Variants in KIF7 observed in about 807,000 individuals in gnomAD.
KIF7 encodes the protein kinesin-like protein KIF7.
KIF7 carries 104 observed loss-of-function variants against 135.7 expected under a neutral mutation model. The ratio of observed to expected loss-of-function variants is 0.77; its 90% confidence interval spans 0.65 to 0.90. The LOEUF (loss-of-function observed/expected upper bound fraction) is 0.90, where lower values mean the gene tolerates loss of function less well. KIF7 is among the 40% of genes least tolerant of loss of function. The pLI, the probability that KIF7 is intolerant of heterozygous loss-of-function variation, is 0.00. For synonymous variants in KIF7, 883 were observed against 809.4 expected (o/e 1.09, Z -1.54); for missense variants, 2,005 against 1,839.1 (o/e 1.09, Z -1.65).
Position 89,642,278 on chromosome 15 carries a change from C to T in KIF7, c.2319G>A (p.Glu773=), listed in dbSNP as rs1354681984. 6.2e-7 allele frequency: 1 copy of T among 1,610,218 alleles called. No homozygotes were observed. Among genetic ancestry groups the T allele is most frequent in the South Asian group, 1.1e-5 (1 of 90,996 alleles). The change falls in exon 11 of 19, where the codon GAG becomes GAA. Residue 773 remains glutamate, a synonymous_variant. Coordinates refer to ENST00000394412, the MANE Select transcript of KIF7 (RefSeq NM_198525.3). ...GAGACCGCTCGCCAGCATCCTGGAG[C>T]TCCTTGCCCTCGAGCTCCCGCAGCT... is the stretch of plus-strand genomic sequence containing the variant. ...QRQLRELEGK[E]LQDAGERSRL...
chr15:89,633,412 C>G, intron 12 of KIF7, 146 bp from the exon 13 acceptor site: 1 of 1,126,954 alleles, frequency 8.9e-7, no homozygotes, highest in East Asian at 2.6e-5. Context: ...ACACAAATCT[C>G]CCTGGAGACC....
At chr15:89,627,204 A>AGAAT (rs1963547727), downstream of KIF7, 5 of 1,268,346 alleles carry the variant, frequency 3.9e-6, no homozygotes, top group Non-Finnish European at 5.5e-6. Flanking sequence ...GATTGCCATT[A>AGAAT]GAATGCCTTA....
Position 89,652,695 on chromosome 15 carries a change from A to G in KIF7, c.236T>C (p.Leu79Pro), listed in dbSNP as rs1236627651. The change falls in exon 2 of 19, where the codon CTT becomes CCT. Residue 79 changes from leucine to proline, a missense_variant. Physicochemically the swap from Leu to Pro is moderately conservative, Grantham distance 98. Transcript: ENST00000394412. ...AVYQACVQPL[L>P]EAFFEGFNAT... ...ATTGAAGCCCTCGAAGAAGGCCTCA[A>G]GGAGGGGCTGAACGCAGGCCTGGTA... 6.4e-7 allele frequency: 1 copy of G among 1,551,642 alleles called. No individual in the cohort carries two copies. Among genetic ancestry groups the G allele is most frequent in the Non-Finnish European group, 8.7e-7 (1 of 1,146,940 alleles).
At chr15:89,644,413 G>A (rs533424886) in intron 10 of KIF7, among the ~76,000 whole-genome samples, 1 of 152,164 alleles carries the variant, frequency 6.6e-6, no homozygotes, top group African/African-American at 2.4e-5. Flanking sequence ...GGTGGCTCAC[G>A]CCTGTAATCC....
At chr15:89,624,605 A>G (rs768452769), downstream of KIF7, 1 of 1,613,946 alleles carries the variant, frequency 6.2e-7, no homozygotes, top group Non-Finnish European at 8.5e-7. Context: ...CTCTCTCCTC[A>G]GTCTCCTCCT....
chr15:89,617,827 G>T (rs966242096), intron 2 of KIF7, among the ~76,000 whole-genome samples: 1 of 152,058 alleles, frequency 6.6e-6, no homozygotes, highest in Non-Finnish European at 1.5e-5. Context: ...AAGTAGCTGG[G>T]ACTACAGGCG....
intron 11 of KIF7, among the ~76,000 whole-genome samples, chr15:89,634,855 G>C (rs538203747): frequency 6.6e-6 from 1 of 152,328 alleles, no homozygotes; most frequent in Admixed American, 6.5e-5. Context: ...TGCCTCTGTA[G>C]GCTCCACCTC....
rs750610579 is a variant in KIF7, at chr15:89,645,921, G to GCTC, written c.1891_1893dup (p.Glu631dup). On this transcript the variant is annotated inframe_insertion, in exon 8 of 19. Transcript: ENST00000394412. The stretch of plus-strand genomic sequence containing the variant: ...CGCAGGTGTAAGGTCCGCCTGGGCG[G>GCTC]CTCCTCCTCCTCCTCTTCCTCCTCT... 3.1e-6 allele frequency: 5 copies of GCTC among 1,613,376 alleles called. No individual in the cohort carries two copies. Among genetic ancestry groups the GCTC allele is most frequent in the Non-Finnish European group, 1.7e-6 (2 of 1,179,940 alleles).
At chr15:89,634,218 G>C (rs1963752703) in intron 11 of KIF7, among the ~76,000 whole-genome samples, 1 of 152,170 alleles carries the variant, frequency 6.6e-6, no homozygotes, top group Non-Finnish European at 1.5e-5. Flanking sequence ...AGAATCACTT[G>C]AACCCGGGAG....
At chr15:89,631,750 A>G (rs893968532) in intron 14 of KIF7, 40 bp from the exon 15 acceptor site, 7 of 1,511,376 alleles carry the variant, frequency 4.6e-6, no homozygotes, top group Non-Finnish European at 6.3e-6. Flanking sequence ...AGGAACAGGC[A>G]CTGTCCTCAC....
In KIF7 at chr15:89,645,037, G is replaced by A. The variant is rs1963986225; in HGVS notation, c.2167C>T (p.Leu723Phe). 1.9e-6 allele frequency: 3 copies of A among 1,607,848 alleles called. No individual in the cohort carries two copies. Among genetic ancestry groups the A allele is most frequent in the African/African-American group, 2.7e-5 (2 of 74,932 alleles). ...CCTGTGCGGACCAGCTCGCCAATAA[G>A]CTCCTCCTTCATGCGGATGTTGATA... ...LAINIRMKEE[L>F]IGELVRTGKA... Residue 723 changes from leucine to phenylalanine, a missense_variant, in exon 10 of 19, where the codon CTT (leucine) becomes TTT (phenylalanine). Coordinates refer to ENST00000394412, the MANE Select transcript of KIF7 (RefSeq NM_198525.3).
chr15:89,631,825 C>G, intron 14 of KIF7, 115 bp from the exon 15 acceptor site: 1 of 881,976 alleles, frequency 1.1e-6, no homozygotes, highest in African/African-American at 1.7e-5. Flanking sequence ...AACCAACACT[C>G]CAAATGTTCT....
At chr15:89,623,558 C>T (rs1244848671), downstream of KIF7, 3 of 1,488,716 alleles carry the variant, frequency 2.0e-6, no homozygotes, top group African/African-American at 1.4e-5. Context: ...TTAGAGATTA[C>T]TAAAACACTT....
Position 89,629,456 on chromosome 15 carries a change from G to A in KIF7, c.3436C>T (p.Arg1146Cys), listed in dbSNP as rs766975299. The change falls in exon 17 of 19, where the codon CGC becomes TGC. Residue 1146 changes from arginine (R) to cysteine (C), a missense_variant. Transcript: ENST00000394412. ...YWLEVALERQ[R>C]LEMDRQLTLQ... is the part of the protein sequence containing the mutation. ...GTCAGCTGGCGGTCCATCTCCAGGC[G>A]CTGCCGCTCCAGGGCCACCTCCAGC... 42 of 1,609,444 alleles carry A rather than the reference G, an allele frequency of 2.6e-5. No individual in the cohort carries two copies. The highest frequency in any genetic ancestry group is 1.7e-4 in the Admixed American group (10 of 59,984).
chr15:89,623,776 T>C (rs1963462842), downstream of KIF7: 2 of 1,611,530 alleles, frequency 1.2e-6, no homozygotes, highest in Admixed American at 3.3e-5. Context: ...TTTTAAGGAG[T>C]CCTTAAAAGA....
At chr15:89,649,991 TG>T (rs1241174426) in intron 2 of KIF7, 50 bp from the exon 3 acceptor site, 3 of 1,529,062 alleles carry the variant, frequency 2.0e-6, no homozygotes, top group Non-Finnish European at 2.6e-6. Context: ...ACACGGCCCA[TG>T]GCCCCCAGGC....
downstream of KIF7, chr15:89,625,776 G>A: frequency 6.9e-6 from 11 of 1,601,450 alleles, no homozygotes; most frequent in Non-Finnish European, 9.4e-6. Flanking sequence ...ACGAAGAGGT[G>A]TTTGTTTCCG....
chr15:89,648,364 C>T lies in KIF7; in HGVS notation c.1334G>A (p.Cys445Tyr). 8 of 1,385,734 alleles carry T rather than the reference C, an allele frequency of 5.8e-6. No individual in the cohort carries two copies. Among genetic ancestry groups the T allele is most frequent in the Non-Finnish European group, 7.5e-6 (8 of 1,066,594 alleles). The allele number at this position is 1,385,734 out of a possible 1,614,324, so 85.8% of individuals were successfully genotyped here. A position where few individuals can be genotyped will look rare whatever the true frequency, so the allele number is the denominator to read the frequency against. ...AAARKVRDWL[C>Y]AVEGERSALS... ...GGCGCTGCGCTCGCCCTCGACGGCG[C>T]ACAGCCAGTCGCGCACCTTGCGGGC... The change falls in exon 5 of 19, where the codon TGC becomes TAC. Residue 445 changes from cysteine to tyrosine, a missense_variant. By Grantham distance (194) the Cys-to-Tyr change is radical. Transcript: ENST00000394412.
At chr15:89,635,362 G>A (rs1016704147) in intron 11 of KIF7, among the ~76,000 whole-genome samples, 2 of 152,238 alleles carry the variant, frequency 1.3e-5, no homozygotes, top group Non-Finnish European at 2.9e-5. Context: ...GAAGGCTTCA[G>A]ATGATCAAAT....
Sources: allele counts gnomAD v4.1 joint callset (sites outside exome capture counted in the v4.1 genomes callset), GRCh38; gene constraint gnomAD v4.1.1; transcripts MANE v1.5; gene names NCBI Gene and HGNC (gene_info 2026-07-23, HGNC 2026-07-21).